RCC1L: variants seen among roughly 807,000 people sequenced by gnomAD.
RCC1L encodes the protein RCC1-like G exchanging factor-like protein.
RCC1L carries 46 observed loss-of-function variants against 58.6 expected under a neutral mutation model. The observed-to-expected ratio is 0.79, with a 90% confidence interval of 0.62 to 1.00. RCC1L has a LOEUF of 1.00. Ranked by LOEUF, RCC1L falls within the 50% of genes least tolerant of loss-of-function variation. RCC1L has a pLI of 0.00. For missense variants in RCC1L, 636 were observed against 623.6 expected, an observed-to-expected ratio of 1.02 and a Z score of -0.21; for synonymous variants, 281 against 262.9, an observed-to-expected ratio of 1.07 and a Z score of -0.67.
At chr7:75,055,095 C>T (rs587727787) in intron 9 of RCC1L, among the ~76,000 whole-genome samples, 16,959 of 152,232 alleles carry the variant, frequency 0.11, 1,106 homozygotes, top group Middle Eastern at 0.31. Flanking sequence ...CTGACTGTCC[C>T]GGCCTGGATG....
intron 1 of RCC1L, among the ~76,000 whole-genome samples, chr7:75,072,088 C>T (rs1271867089): frequency 1.2e-5 from 1 of 85,926 alleles, no homozygotes; most frequent in Non-Finnish European, 2.4e-5. Context: ...AGAGCCAGAT[C>T]AAAAAAAAAA....
chr7:75,028,665 C>T (rs1805212822), intron 10 of RCC1L, among the ~76,000 whole-genome samples: 1 of 152,186 alleles, frequency 6.6e-6, no homozygotes, highest in Admixed American at 6.5e-5. Context: ...GTTCCCAAGA[C>T]ACCCCTTCCT....
chr7:75,060,951 G>A (rs1190884172), intron 6 of RCC1L, among the ~76,000 whole-genome samples: 1 of 152,088 alleles, frequency 6.6e-6, no homozygotes, highest in Non-Finnish European at 1.5e-5. Context: ...GCTCACACCT[G>A]TTGTCCCAGC....
chr7:75,038,856 T>A (rs1805485270), downstream of RCC1L, among the ~76,000 whole-genome samples: 1 of 152,048 alleles, frequency 6.6e-6, no homozygotes, highest in Non-Finnish European at 1.5e-5. Flanking sequence ...GCAGATGACA[T>A]CCTCCTGCCT....
chr7:75,041,621 G>A (rs1554442276), downstream of RCC1L, among the ~76,000 whole-genome samples: 1 of 152,016 alleles, frequency 6.6e-6, no homozygotes, highest in African/African-American at 2.4e-5. Context: ...CACTTTGGGG[G>A]ACCGAGGCAG....
At chr7:75,041,078 T>C (rs933517219), downstream of RCC1L, among the ~76,000 whole-genome samples, 136 of 151,924 alleles carry the variant, frequency 9.0e-4, 1 homozygote, top group African/African-American at 3.3e-3. Flanking sequence ...ATTAACTGGG[T>C]GTGGTGGCAG....
chr7:75,061,193 G>T lies in RCC1L; in HGVS notation c.787+14C>A, dbSNP rs1456783172. On this transcript the variant is annotated intron_variant, in intron 6 of 10. Coordinates refer to ENST00000610322, the MANE Select transcript of RCC1L (RefSeq NM_030798.5). ...GAGAAGTTTCACGACCCCAGTGCAT[G>T]AAAAGAACTCTACCTGTTTGCCCAT... 6.2e-7 allele frequency: 1 copy of T among 1,611,876 alleles called. No individual in the cohort carries two copies. Among genetic ancestry groups the T allele is most frequent in the Non-Finnish European group, 8.5e-7 (1 of 1,178,188 alleles).
At chr7:75,047,522 C>G (rs1805762082) in intron 10 of RCC1L, among the ~76,000 whole-genome samples, 1 of 152,210 alleles carries the variant, frequency 6.6e-6, no homozygotes, top group African/African-American at 2.4e-5. Flanking sequence ...GTCAGCCTCT[C>G]AAAGCGCTGG....
At chr7:75,061,059 G>C in intron 6 of RCC1L, 148 bp downstream of exon 6, 1 of 763,042 alleles carries the variant, frequency 1.3e-6, no homozygotes, top group Non-Finnish European at 2.4e-6. Context: ...GGGCGATGGA[G>C]CCAAGAATAG....
chr7:75,046,436 C>T (rs1050774410), intron 10 of RCC1L, among the ~76,000 whole-genome samples: 1 of 152,184 alleles, frequency 6.6e-6, no homozygotes, highest in Non-Finnish European at 1.5e-5. Context: ...GTCCTTGCTC[C>T]CCGAGGGCTC....
intron 1 of RCC1L, among the ~76,000 whole-genome samples, chr7:75,072,993 C>G (rs1554446374): frequency 6.6e-6 from 1 of 152,158 alleles, no homozygotes; most frequent in African/African-American, 2.4e-5. Context: ...CATTGAAACA[C>G]CTCAGCTGGT....
chr7:75,039,100 G>A (rs1337289022), downstream of RCC1L, among the ~76,000 whole-genome samples: 1 of 152,302 alleles, frequency 6.6e-6, no homozygotes, highest in Admixed American at 6.5e-5. Flanking sequence ...TCGGACCCCC[G>A]AAGTGCTGGG....
intron 10 of RCC1L, among the ~76,000 whole-genome samples, chr7:75,029,885 C>T (rs957155779): frequency 1.4e-4 from 22 of 151,826 alleles, no homozygotes; most frequent in Non-Finnish European, 3.1e-4. Flanking sequence ...AGGCCGGGCT[C>T]GGTGGCTTAG....
chr7:75,032,898 C>A (rs1183396810), intron 10 of RCC1L, among the ~76,000 whole-genome samples: 1 of 151,728 alleles, frequency 6.6e-6, no homozygotes, highest in African/African-American at 2.4e-5. Flanking sequence ...ATAGTGTAAC[C>A]CTATCTCTAC....
Position 75,028,432 on chromosome 7 carries a change from C to T in RCC1L, c.1318-353G>A, listed in dbSNP as rs2131963393. ...CACCGTGCCCGGCCTCATGGAATTT[C>T]TAGGGGTGAGCAGGTGACCCTGGGG... On this transcript the variant is annotated intron_variant, in intron 10 of 10. Transcript: ENST00000614461. Among the ~76,000 whole-genome samples, 3 of 152,120 alleles carry T rather than the reference C, an allele frequency of 2.0e-5. No individual in the cohort carries two copies. The East Asian group carries it at 5.8e-4, about 29-fold the overall frequency.
rs959060765 is a variant in RCC1L, at chr7:75,043,728, T to A, written c.1318-619A>T. On this transcript the variant is annotated intron_variant, in intron 10 of 10. Transcript: ENST00000610322. ...TACTCGGGAGGCTGAGGTGGGAGAA[T>A]TGCTTGAACCCAGGAGGTAGAGGCT... Among the ~76,000 whole-genome samples, 5 of 152,140 alleles carry A rather than the reference T, an allele frequency of 3.3e-5. No individual in the cohort carries two copies. In the South Asian group the frequency reaches 8.3e-4, roughly 25 times the overall value.
intron 10 of RCC1L, among the ~76,000 whole-genome samples, chr7:75,049,097 G>C (rs1364240994): frequency 6.6e-6 from 1 of 152,204 alleles, no homozygotes; most frequent in Non-Finnish European, 1.5e-5. Flanking sequence ...GTTGGTACCA[G>C]TGTATGAGCT....
intron 2 of RCC1L, 117 bp downstream of exon 2, chr7:75,070,523 A>C: frequency 1.5e-6 from 2 of 1,377,622 alleles, no homozygotes; most frequent in Admixed American, 4.9e-5. Context: ...GTGAGCCAGG[A>C]TCTCGCCACT....
chr7:75,063,227 C>T, intron 5 of RCC1L, 65 bp downstream of exon 5: 1 of 1,587,924 alleles, frequency 6.3e-7, no homozygotes, highest in Non-Finnish European at 8.6e-7. Flanking sequence ...TCACCCTACC[C>T]AAATCTCAAC....
Sources: allele counts gnomAD v4.1 joint callset (sites outside exome capture counted in the v4.1 genomes callset), GRCh38; gene constraint gnomAD v4.1.1; transcripts MANE v1.5; gene names NCBI Gene and HGNC (gene_info 2026-07-23, HGNC 2026-07-21).